Variants in CHRM3 observed in about 807,000 individuals in gnomAD.
CHRM3 encodes the protein muscarinic acetylcholine receptor M3.
CHRM3 carries 11 observed loss-of-function variants against 41.8 expected under a neutral mutation model. The observed-to-expected ratio is 0.26, with a 90% CI of 0.17 to 0.44. CHRM3 has a LOEUF of 0.44. CHRM3 is among the 20% of genes least tolerant of loss of function. CHRM3 has a pLI of 1.00. For missense variants in CHRM3, 571 were observed against 745.4 expected (o/e 0.77, Z 2.72); for synonymous variants, 297 against 301.4 (o/e 0.99, Z 0.15).
intron 1 of CHRM3, among the ~76,000 whole-genome samples, chr1:239,433,265 C>G (rs1662970644): frequency 6.6e-6 from 1 of 152,106 alleles, no homozygotes; most frequent in African/African-American, 2.4e-5. Context: ...TATCTGTGGT[C>G]TCAGTGAATG....
chr1:239,818,677 A>G (rs1233700301), intron 5 of CHRM3, among the ~76,000 whole-genome samples: 1 of 152,124 alleles, frequency 6.6e-6, no homozygotes, highest in African/African-American at 2.4e-5. Flanking sequence ...TCAAGATCTA[A>G]TTGGCTTTTA....
At chr1:239,621,364 A>G (rs1284021555) in intron 3 of CHRM3, among the ~76,000 whole-genome samples, 1 of 152,190 alleles carries the variant, frequency 6.6e-6, no homozygotes, top group East Asian at 1.9e-4. Context: ...CTAAGTGTTC[A>G]AGTGAAAGGA....
In CHRM3 at chr1:239,908,801, C is replaced by A. The variant is rs1181972914; in HGVS notation, c.1350C>A (p.Ser450Arg). 6.2e-7 allele frequency: 1 copy of A among 1,614,134 alleles called. No individual in the cohort carries two copies. Among genetic ancestry groups the A allele is most frequent in the Admixed American group, 1.7e-5 (1 of 60,020 alleles). Reference protein sequence around the residue: ...TSDVNSSVGKSTATLPLSFKE... With the variant: ...TSDVNSSVGKRTATLPLSFKE... ...ACGTCAACTCCTCAGTGGGTAAGAGCACGGCCACTCTACCTCTGTCCTTCA... is the reference window on the plus strand; with the variant it reads ...ACGTCAACTCCTCAGTGGGTAAGAGAACGGCCACTCTACCTCTGTCCTTCA... Residue 450 changes from serine to arginine, a missense_variant, in exon 7 of 7, where the codon AGC (serine) becomes AGA (arginine). Around this residue, in one of 5 missense-constraint regions of CHRM3, gnomAD observed 239 missense variants for 239.6 expected, o/e 1.00. Transcript: ENST00000676153. This position sits in a 1 kb window ranked among gnomAD's most constrained non-coding sequence, Gnocchi z 7.2.
At chr1:239,721,889 G>A (rs1252694613) in intron 5 of CHRM3, among the ~76,000 whole-genome samples, 1 of 151,820 alleles carries the variant, frequency 6.6e-6, no homozygotes, top group East Asian at 1.9e-4. Context: ...GCAGGTGAGC[G>A]AGGGAAATCA....
chr1:239,580,606 G>A (rs560566434), intron 3 of CHRM3, among the ~76,000 whole-genome samples: 175 of 149,050 alleles, frequency 1.2e-3, no homozygotes, highest in Middle Eastern at 3.5e-3. Flanking sequence ...CAGACCTATC[G>A]TCAGAATCTC....
At chr1:239,594,158 A>G (rs182752510) in intron 3 of CHRM3, among the ~76,000 whole-genome samples, 18 of 152,348 alleles carry the variant, frequency 1.2e-4, no homozygotes, top group African/African-American at 3.8e-4. Context: ...GGAAATCAAA[A>G]GTGAAGTACT....
intron 6 of CHRM3, among the ~76,000 whole-genome samples, chr1:239,878,046 A>G (rs890370495): frequency 2.0e-5 from 3 of 151,814 alleles, no homozygotes; most frequent in African/African-American, 7.3e-5. Flanking sequence ...GCGTGCCACC[A>G]CACCCGGCTA....
intron 1 of CHRM3, among the ~76,000 whole-genome samples, chr1:239,404,753 T>TATATATAC (rs1660461270): frequency 7.0e-6 from 1 of 142,758 alleles, no homozygotes; most frequent in African/African-American, 2.5e-5. Context: ...TATATATATA[T>TATATATAC]ATATGGAAAA....
At chr1:239,532,009 C>CTT (rs34798101) in intron 2 of CHRM3, among the ~76,000 whole-genome samples, 4,378 of 76,258 alleles carry the variant, frequency 0.057, 529 homozygotes, top group African/African-American at 0.15. Context: ...TTCCTTCTTT[C>CTT]TTTTTTTTTT....
intron 1 of CHRM3, among the ~76,000 whole-genome samples, chr1:239,478,990 C>A (rs1666642828): frequency 6.6e-6 from 1 of 152,072 alleles, no homozygotes; most frequent in Non-Finnish European, 1.5e-5. Context: ...TGAGTTCAGC[C>A]TGACGAACAT....
chr1:239,824,664 A>G (rs1244968173), intron 5 of CHRM3, among the ~76,000 whole-genome samples: 1 of 152,246 alleles, frequency 6.6e-6, no homozygotes, highest in African/African-American at 2.4e-5. Flanking sequence ...TCAGCCTTGT[A>G]AAACAGAGTT....
intron 3 of CHRM3, among the ~76,000 whole-genome samples, chr1:239,559,769 A>G (rs1241021670): frequency 6.6e-6 from 1 of 152,206 alleles, no homozygotes. Flanking sequence ...CCACATCTAC[A>G]TAACACTATA....
chr1:239,412,570 G>A (rs1661185126), intron 1 of CHRM3, among the ~76,000 whole-genome samples: 1 of 151,298 alleles, frequency 6.6e-6, no homozygotes, highest in Middle Eastern at 3.2e-3. Flanking sequence ...TTATCAGGAA[G>A]ATGAAATGAG....
At chr1:239,834,917 A>G (rs547212688) in intron 6 of CHRM3, among the ~76,000 whole-genome samples, 1 of 152,320 alleles carries the variant, frequency 6.6e-6, no homozygotes, top group Non-Finnish European at 1.5e-5. Context: ...ATTGAGGCTG[A>G]AGTTTAACAC....
chr1:239,901,194 T>C (rs549421365), intron 6 of CHRM3, among the ~76,000 whole-genome samples: 4 of 152,312 alleles, frequency 2.6e-5, no homozygotes, highest in Admixed American at 2.6e-4. Flanking sequence ...GCGACCTCTT[T>C]TTCCTCCAAC....
intron 5 of CHRM3, among the ~76,000 whole-genome samples, chr1:239,695,931 G>GT (rs1660142512): frequency 6.6e-6 from 1 of 152,088 alleles, no homozygotes; most frequent in Non-Finnish European, 1.5e-5. Context: ...TTTCCCCTTT[G>GT]TTTTAGTGAA....
intron 5 of CHRM3, among the ~76,000 whole-genome samples, chr1:239,755,649 G>A (rs776526497): frequency 3.3e-5 from 5 of 152,138 alleles, no homozygotes; most frequent in Non-Finnish European, 5.9e-5. Flanking sequence ...CAGGAGGGTC[G>A]GAGACCAGGT....
At chr1:239,721,745 A>C (rs2148342688) in intron 5 of CHRM3, among the ~76,000 whole-genome samples, 1 of 152,082 alleles carries the variant, frequency 6.6e-6, no homozygotes, top group South Asian at 2.1e-4. Flanking sequence ...GAAGTACAAA[A>C]GAAGTCTTTA....
chr1:239,823,778 C>A (rs576901946), intron 5 of CHRM3, among the ~76,000 whole-genome samples: 2 of 151,868 alleles, frequency 1.3e-5, no homozygotes, highest in Non-Finnish European at 2.9e-5. Context: ...TTTGTGGTGT[C>A]TTTTTTAAGT....
Sources: allele counts gnomAD v4.1 joint callset (sites outside exome capture counted in the v4.1 genomes callset), GRCh38; gene constraint gnomAD v4.1.1; regional missense constraint gnomAD v4.1.1; non-coding constraint Gnocchi (gnomAD v3.1); transcripts MANE v1.5; gene names NCBI Gene and HGNC (gene_info 2026-07-23, HGNC 2026-07-21).